The following RPSA2 variants were observed in gnomAD, a reference collection of about 807,000 sequenced individuals.
RPSA2 encodes the protein ribosomal protein SA 2.
At chr19:23,843,934 T>A in the RPSA2 span, among the ~76,000 whole-genome samples, 1 of 152,104 alleles carries the variant, frequency 6.6e-6, no homozygotes, top group Admixed American at 6.6e-5. Context: ...TAATTTTGTA[T>A]TTTTAGTAGA....
At chr19:23,820,334 G>A in the RPSA2 span, among the ~76,000 whole-genome samples, 1 of 152,136 alleles carries the variant, frequency 6.6e-6, no homozygotes, top group South Asian at 2.1e-4. Context: ...CAAATTTGGA[G>A]GCCACCATTT....
At chr19:23,852,119 G>C in the RPSA2 span, among the ~76,000 whole-genome samples, 6 of 152,332 alleles carry the variant, frequency 3.9e-5, no homozygotes, top group East Asian at 9.6e-4. Flanking sequence ...TGAGACAGCT[G>C]TACCCTAGAC....
the RPSA2 span, among the ~76,000 whole-genome samples, chr19:23,848,064 T>A: frequency 6.6e-6 from 1 of 152,178 alleles, no homozygotes; most frequent in Non-Finnish European, 1.5e-5. Flanking sequence ...TGTTTTACAA[T>A]CAATTTGTAC....
the RPSA2 span, among the ~76,000 whole-genome samples, chr19:23,770,280 C>T: frequency 2.0e-5 from 3 of 152,242 alleles, no homozygotes; most frequent in East Asian, 5.8e-4. Flanking sequence ...TGATGTGTTG[C>T]TGGACTCACC....
the RPSA2 span, among the ~76,000 whole-genome samples, chr19:23,786,825 A>G: frequency 2.6e-4 from 39 of 152,082 alleles, no homozygotes; most frequent in Admixed American, 2.6e-3. Context: ...CACCTAAGGG[A>G]TGAGAGTCTC....
chr19:23,871,091 T>A, the RPSA2 span, among the ~76,000 whole-genome samples: 2 of 152,152 alleles, frequency 1.3e-5, no homozygotes, highest in Non-Finnish European at 2.9e-5. Flanking sequence ...TCAATAAATA[T>A]AAAGGGCTCT....
chr19:23,866,557 C>A, the RPSA2 span, among the ~76,000 whole-genome samples: 2 of 144,490 alleles, frequency 1.4e-5, no homozygotes, highest in Admixed American at 1.4e-4. Flanking sequence ...TCTGTCCTCT[C>A]TGTAACAAAG....
the RPSA2 span, among the ~76,000 whole-genome samples, chr19:23,854,054 G>A: frequency 1.3e-5 from 2 of 152,114 alleles, no homozygotes; most frequent in Non-Finnish European, 2.9e-5. Context: ...GCCCATCCCA[G>A]GGCCCCGTGT....
chr19:23,790,700 C>T, the RPSA2 span: 2 of 420,404 alleles, frequency 4.8e-6, no homozygotes, highest in East Asian at 6.4e-5. Flanking sequence ...GAGTCCCAGC[C>T]TGTGTGGCCC....
At chr19:23,842,711 GC>G in the RPSA2 span, 1 of 152,080 alleles carries the variant, frequency 6.6e-6, no homozygotes, top group Non-Finnish European at 1.5e-5. Flanking sequence ...ATACCCTAAG[GC>G]TTCTATTTTC....
the RPSA2 span, among the ~76,000 whole-genome samples, chr19:23,855,993 A>T: frequency 6.6e-6 from 1 of 152,150 alleles, no homozygotes; most frequent in Non-Finnish European, 1.5e-5. Context: ...CATGAAAAGA[A>T]ATAAGATCAT....
the RPSA2 span, chr19:23,758,737 A>T: frequency 6.2e-7 from 1 of 1,614,216 alleles, no homozygotes; most frequent in Non-Finnish European, 8.5e-7. Context: ...GTCGGACCCG[A>T]CATTCTCACC....
At chr19:23,758,871 G>T in the RPSA2 span, 148 of 1,402,534 alleles carry the variant, frequency 1.1e-4, 1 homozygote, top group East Asian at 1.7e-3. Flanking sequence ...GAGACCCGGA[G>T]CTCGGGCTGA....
chr19:23,869,571 G>C, the RPSA2 span, among the ~76,000 whole-genome samples: 2 of 152,136 alleles, frequency 1.3e-5, no homozygotes, highest in African/African-American at 2.4e-5. Flanking sequence ...ATGGAAAAGA[G>C]GAAAATCAGA....
the RPSA2 span, among the ~76,000 whole-genome samples, chr19:23,820,009 G>A: frequency 2.2e-4 from 33 of 152,214 alleles, no homozygotes; most frequent in African/African-American, 8.0e-4. Flanking sequence ...CAGTACTTTA[G>A]TTACTTCTCG....
chr19:23,830,111 AT>A, the RPSA2 span, among the ~76,000 whole-genome samples: 6 of 150,124 alleles, frequency 4.0e-5, no homozygotes, highest in African/African-American at 1.2e-4. Context: ...CTTAATAGGT[AT>A]TTTTTTTAAC....
chr19:23,769,912 A>C, the RPSA2 span, among the ~76,000 whole-genome samples: 149,246 of 152,286 alleles, frequency 0.98, 73,209 homozygotes, highest in Middle Eastern at 1. Flanking sequence ...AAATATCTTT[A>C]TATTAATCAC....
chr19:23,832,775 AG>A, the RPSA2 span: 3 of 1,571,322 alleles, frequency 1.9e-6, no homozygotes, highest in African/African-American at 4.1e-5. Flanking sequence ...ACTCGACATA[AG>A]ATAATTCATA....
chr19:23,808,964 G>A, the RPSA2 span: 60 of 228,028 alleles, frequency 2.6e-4, 3 homozygotes, highest in Middle Eastern at 0.025. Flanking sequence ...TCACGTAGGG[G>A]CATCTTATGT....
Sources: allele counts gnomAD v4.1 joint callset (sites outside exome capture counted in the v4.1 genomes callset), GRCh38; gene constraint gnomAD v4.1.1; transcripts MANE v1.5; gene names NCBI Gene and HGNC (gene_info 2026-07-23, HGNC 2026-07-21).